Variants in ANXA4 observed in about 807,000 individuals in gnomAD.
ANXA4 encodes the protein annexin A4.
A neutral mutation model predicts 49.8 loss-of-function variants in ANXA4; 39 were observed. That is an observed-to-expected ratio of 0.78 (90% CI 0.61 to 1.02). The LOEUF (loss-of-function observed/expected upper bound fraction) is 1.02, where lower values mean the gene tolerates loss of function less well. Ranked by LOEUF, ANXA4 falls within the 50% of genes least tolerant of loss-of-function variation. ANXA4 has a pLI of 0.00. For synonymous variants in ANXA4, 134 were observed against 152.5 expected, an observed-to-expected ratio of 0.88 and a Z score of 0.89; for missense variants, 360 against 410.1, an observed-to-expected ratio of 0.88 and a Z score of 1.05.
At chr2:69,805,195 T>C (rs1239935501) in intron 4 of ANXA4, among the ~76,000 whole-genome samples, 1 of 152,042 alleles carries the variant, frequency 6.6e-6, no homozygotes, top group East Asian at 1.9e-4. Context: ...CAAATAATTA[T>C]ATTTGGAAAC....
At position 69,754,549 on chromosome 2, in the gene ANXA4, C is replaced by T. The variant is rs1385993366; in HGVS notation, c.-47+12374C>T. Among the ~76,000 whole-genome samples the T allele has an allele frequency of 5.3e-5, 8 of 152,158 alleles. No homozygotes were observed. In the East Asian group the frequency reaches 1.3e-3, roughly 26 times the overall value. On this transcript the variant is annotated intron_variant, in intron 1 of 12. Coordinates refer to ENST00000394295, the MANE Select transcript of ANXA4 (RefSeq NM_001153.5). ...AGCTGAGATTACAGGCACAAGCTAC[C>T]ATGCATGGCCTGGAGGCTTCTTAAA... is the stretch of plus-strand genomic sequence containing the variant.
At chr2:69,674,915 G>GT (rs71397341) in intron 2 of ANXA4, among the ~76,000 whole-genome samples, 28,801 of 115,162 alleles carry the variant, frequency 0.25, 3,244 homozygotes, top group East Asian at 0.38. Flanking sequence ...AACATAAACT[G>GT]TTTTTTTTTT....
chr2:69,813,249 ATT>A (rs34973123), intron 8 of ANXA4, among the ~76,000 whole-genome samples: 15 of 142,696 alleles, frequency 1.1e-4, no homozygotes, highest in Admixed American at 2.1e-4. Context: ...CTGTTCTAAA[ATT>A]TTTTTTTTTT....
At chr2:69,655,728 CAT>C (rs1038793417) in intron 2 of ANXA4, among the ~76,000 whole-genome samples, 84 of 152,256 alleles carry the variant, frequency 5.5e-4, no homozygotes, top group African/African-American at 1.8e-3. Flanking sequence ...CACATGCACA[CAT>C]ATGTTTATTG....
intron 1 of ANXA4, among the ~76,000 whole-genome samples, chr2:69,744,351 C>A (rs1356064891): frequency 6.6e-6 from 1 of 152,114 alleles, no homozygotes; most frequent in Non-Finnish European, 1.5e-5. Flanking sequence ...AGGAGATTTT[C>A]TTTGAGTGTC....
chr2:69,666,543 A>G (rs1352048501), intron 2 of ANXA4, among the ~76,000 whole-genome samples: 4 of 152,266 alleles, frequency 2.6e-5, no homozygotes, highest in Non-Finnish European at 4.4e-5. Flanking sequence ...ACAAATGTTC[A>G]TAGCAGCATT....
At chr2:69,790,153 T>G (rs1340677471) in intron 3 of ANXA4, among the ~76,000 whole-genome samples, 5 of 152,178 alleles carry the variant, frequency 3.3e-5, no homozygotes, top group Admixed American at 6.5e-5. Context: ...AGCTGCTTTT[T>G]GTTAAAAGGA....
Position 69,797,407 on chromosome 2 carries a change from G to C in ANXA4, c.98-7126G>C, listed in dbSNP as rs113456747. ...AGTCATGTTTACCCATATGACCTCA[G>C]TCCTCTGCCTAATAATTGGGTAATT... On this transcript the variant is annotated intron_variant, in intron 3 of 12. Coordinates refer to ENST00000394295, the MANE Select transcript of ANXA4 (RefSeq NM_001153.5). Among the ~76,000 whole-genome samples the C allele has an allele frequency of 6.6e-5, 10 of 152,270 alleles. 2 individuals are homozygous for C. The highest frequency in any genetic ancestry group is 2.4e-4 in the African/African-American group (10 of 41,554).
chr2:69,778,448 G>C (rs2103644005), intron 1 of ANXA4, among the ~76,000 whole-genome samples: 1 of 152,340 alleles, frequency 6.6e-6, no homozygotes, highest in South Asian at 2.1e-4. Context: ...TCTGGAGTCA[G>C]AAAAGGCCTG....
rs1323240024 is a variant in ANXA4, at chr2:69,756,102, AG to A, written c.-47+13930del. ...TACACCAAAAAAGTGGCTACACATC[AG>A]GGTGTCCTTTCCTTGGAGAGCTGGC... On this transcript the variant is annotated intron_variant, in intron 1 of 12. Transcript: ENST00000394295. Among the ~76,000 whole-genome samples the A allele has an allele frequency of 2.0e-5, 3 of 152,346 alleles. No individual in the cohort carries two copies. The East Asian group carries it at 5.8e-4, about 29-fold the overall frequency.
chr2:69,645,566 G>C lies in ANXA4; in HGVS notation n.481+661G>C, dbSNP rs543587859. Among the ~76,000 whole-genome samples, 43 of 152,268 alleles carry C rather than the reference G, an allele frequency of 2.8e-4. 1 individual carries two copies. Among genetic ancestry groups the C allele is most frequent in the African/African-American group, 9.6e-4 (40 of 41,538 alleles). On this transcript the variant is annotated intron_variant and non_coding_transcript_variant, in intron 1 of 3. Coordinates refer to the ANXA4 transcript ENST00000418066. Reference sequence around the variant, plus strand: ...CTAAAATCAATCTGATGCTATCTCAGTTTTTACCTTTCTAGACTTCTCTGG... The same window carrying C: ...CTAAAATCAATCTGATGCTATCTCACTTTTTACCTTTCTAGACTTCTCTGG...
intron 3 of ANXA4, among the ~76,000 whole-genome samples, chr2:69,797,843 G>A (rs1302513618): frequency 2.0e-5 from 3 of 152,352 alleles, no homozygotes; most frequent in South Asian, 4.1e-4. Flanking sequence ...GGATGTAAAA[G>A]GGAGGAGAAC....
intron 2 of ANXA4, among the ~76,000 whole-genome samples, chr2:69,711,814 G>A (rs184180394): frequency 1.3e-5 from 2 of 152,138 alleles, no homozygotes; most frequent in East Asian, 3.9e-4. Flanking sequence ...GGGTGTGGGG[G>A]ATGGTGTCAG....
chr2:69,758,952 G>C (rs996777380), intron 1 of ANXA4, among the ~76,000 whole-genome samples: 10 of 151,990 alleles, frequency 6.6e-5, no homozygotes, highest in Admixed American at 3.9e-4. Context: ...TGGCAACATG[G>C]TGAAACCCCA....
chr2:69,691,671 G>C (rs561940921), intron 2 of ANXA4, among the ~76,000 whole-genome samples: 30 of 152,170 alleles, frequency 2.0e-4, no homozygotes, highest in African/African-American at 7.2e-4. Context: ...GAAACCCAGA[G>C]AGCTGTGGAA....
At chr2:69,670,549 T>A (rs576560796) in intron 2 of ANXA4, among the ~76,000 whole-genome samples, 2 of 150,990 alleles carry the variant, frequency 1.3e-5, no homozygotes, top group African/African-American at 4.9e-5. Flanking sequence ...CTATAGTAAC[T>A]AAGACAATGT....
intron 3 of ANXA4, among the ~76,000 whole-genome samples, chr2:69,729,534 G>A (rs1194035066): frequency 6.6e-6 from 1 of 152,236 alleles, no homozygotes; most frequent in East Asian, 1.9e-4. Flanking sequence ...TGGTGCTACA[G>A]GTGTCTGGTG....
chr2:69,781,657 C>A (rs1672204905), intron 2 of ANXA4, 83 bp downstream of exon 2: 7 of 1,502,708 alleles, frequency 4.7e-6, no homozygotes, highest in Non-Finnish European at 6.5e-6. Flanking sequence ...TTAGCTTAAA[C>A]AAAGCATTGT....
At chr2:69,805,105 ATCTTAAACAAGT>A (rs949090472) in intron 4 of ANXA4, among the ~76,000 whole-genome samples, 42 of 148,850 alleles carry the variant, frequency 2.8e-4, no homozygotes, top group Non-Finnish European at 5.1e-4. Flanking sequence ...TCGTCAATTG[ATCTTAAACAAGT>A]TCTTAAACTC....
Sources: allele counts gnomAD v4.1 joint callset (sites outside exome capture counted in the v4.1 genomes callset), GRCh38; gene constraint gnomAD v4.1.1; transcripts MANE v1.5; gene names NCBI Gene and HGNC (gene_info 2026-07-23, HGNC 2026-07-21).